ADGRG7: variants seen among roughly 807,000 people sequenced by gnomAD.
ADGRG7 encodes the protein adhesion G protein-coupled receptor G7.
Under a neutral mutation model 88.6 loss-of-function variants are expected in ADGRG7, and 82 were observed. The observed-to-expected ratio is 0.93, with a 90% confidence interval of 0.77 to 1.11. ADGRG7 has a LOEUF of 1.11. Among genes scored for constraint, ADGRG7 ranks in the 50% most tolerant of loss-of-function variants. The pLI is 0.00. For missense variants in ADGRG7, 945 were observed against 953.4 expected (o/e 0.99, Z 0.12); for synonymous variants, 381 against 345.2 (o/e 1.10, Z -1.15).
At chr3:100,612,959 G>A (rs1198789197) in intron 1 of ADGRG7, among the ~76,000 whole-genome samples, 8 of 152,032 alleles carry the variant, frequency 5.3e-5, no homozygotes, top group South Asian at 2.1e-4. Context: ...GCATGATCTC[G>A]GCTCACTGCA....
In ADGRG7 at chr3:100,659,788, A is replaced by T. The variant is rs1416220564; in HGVS notation, c.1924A>T (p.Met642Leu). 1 of 1,613,938 alleles carries T rather than the reference A, an allele frequency of 6.2e-7. No individual in the cohort carries two copies. Among genetic ancestry groups the T allele is most frequent in the African/African-American group, 1.3e-5 (1 of 74,908 alleles). The change falls in exon 14 of 16, where the codon ATG (methionine) becomes TTG (leucine). Residue 642 changes from methionine (M) to leucine (L), a missense_variant. Met to Leu is a conservative substitution (Grantham distance 15). Transcript: ENST00000273352. The stretch of plus-strand genomic sequence containing the variant: ...CATTATCCTCATCAGCAATGTTGTT[A>T]TGTTTATTACAATCTCGATCAAAGT... ...VTIILISNVV[M>L]FITISIKVLW...
In ADGRG7 at chr3:100,609,855, C is replaced by A; in HGVS notation, c.-2C>A. The A allele has an allele frequency of 6.2e-7, 1 of 1,612,486 alleles. No homozygotes were observed. Among genetic ancestry groups the A allele is most frequent in the Non-Finnish European group, 8.5e-7 (1 of 1,178,598 alleles). ...GGAGTGGATTTGTGGTTTGGCTTCA[C>A]CATGGCTTCCTGCCGTGCCTGGAAC... On this transcript the variant is annotated 5_prime_UTR_variant, in exon 1 of 16. Transcript: ENST00000273352.
chr3:100,660,026 TC>T (rs1445584928), intron 14 of ADGRG7, among the ~76,000 whole-genome samples, 183 bp downstream of exon 14: 1 of 152,208 alleles, frequency 6.6e-6, no homozygotes, highest in Non-Finnish European at 1.5e-5. Flanking sequence ...TCTTCTCACA[TC>T]CGTACAGTCT....
chr3:100,655,951 T>C lies in ADGRG7; in HGVS notation c.1779T>C (p.Asn593=), dbSNP rs967788922. The change falls in exon 13 of 16, where the codon AAT becomes AAC. Residue 593 remains asparagine (N), a synonymous_variant. Coordinates refer to ENST00000273352, the MANE Select transcript of ADGRG7 (RefSeq NM_032787.3). ...CAGTGGGAGTTATTTATTCTCAGAA[T>C]GGAAATAATCCACAGTGGGAATTAG... is the stretch of plus-strand genomic sequence containing the variant. ...AITVGVIYSQ[N]GNNPQWELDY... 6.2e-7 allele frequency: 1 copy of C among 1,610,386 alleles called. No homozygotes were observed. Among genetic ancestry groups the C allele is most frequent in the African/African-American group, 1.3e-5 (1 of 74,968 alleles).
At chr3:100,656,405 C>T (rs964475614) in intron 13 of ADGRG7, among the ~76,000 whole-genome samples, 3 of 152,202 alleles carry the variant, frequency 2.0e-5, no homozygotes, top group Admixed American at 6.5e-5. Flanking sequence ...CATTTAATAA[C>T]TCGAACACTA....
Position 100,609,729 on chromosome 3 carries a change from C to T in ADGRG7, c.-128C>T. ...AGTCCTAAAATACAAAGACATCCAT[C>T]TGACAGATCACTGAGGGGAGGACTT... On this transcript the variant is annotated 5_prime_UTR_variant, in exon 1 of 16. Transcript: ENST00000273352. 1 of 635,100 alleles carries T rather than the reference C, an allele frequency of 1.6e-6. No homozygotes were observed. Among genetic ancestry groups the T allele is most frequent in the Non-Finnish European group, 2.8e-6 (1 of 353,790 alleles). 39.3% of individuals were successfully genotyped at this position (635,100 alleles called of 1,614,324 possible).
chr3:100,681,730 T>C (rs2094973728), intron 15 of ADGRG7, among the ~76,000 whole-genome samples: 2 of 152,224 alleles, frequency 1.3e-5, no homozygotes, highest in Non-Finnish European at 2.9e-5. Flanking sequence ...TGGACTTTAC[T>C]CTCTGTAGTA....
At chr3:100,641,723 G>T (rs1050973860) in intron 6 of ADGRG7, among the ~76,000 whole-genome samples, 2 of 152,200 alleles carry the variant, frequency 1.3e-5, no homozygotes, top group Non-Finnish European at 2.9e-5. Context: ...AGATGACTGA[G>T]GATCCAAGGC....
At chr3:100,639,761 G>C (rs1707607050) in intron 6 of ADGRG7, among the ~76,000 whole-genome samples, 1 of 152,092 alleles carries the variant, frequency 6.6e-6, no homozygotes, top group Non-Finnish European at 1.5e-5. Flanking sequence ...TCACAAAAAA[G>C]ATAGGAACAT....
At chr3:100,621,224 A>G (rs1032283785) in intron 1 of ADGRG7, among the ~76,000 whole-genome samples, 1 of 152,116 alleles carries the variant, frequency 6.6e-6, no homozygotes, top group African/African-American at 2.4e-5. Context: ...ATGGCCTCTA[A>G]CTATTTGAGC....
At chr3:100,662,162 T>C (rs2094946396) in intron 14 of ADGRG7, among the ~76,000 whole-genome samples, 1 of 152,138 alleles carries the variant, frequency 6.6e-6, no homozygotes, top group Non-Finnish European at 1.5e-5. Flanking sequence ...TCTATATGGG[T>C]TGGGGGGAAA....
chr3:100,627,055 T>G (rs1271891805), intron 1 of ADGRG7, among the ~76,000 whole-genome samples: 1 of 152,194 alleles, frequency 6.6e-6, no homozygotes, highest in African/African-American at 2.4e-5. Context: ...AATTTTACAC[T>G]TTTGTTTCTT....
chr3:100,656,067 A>G, intron 13 of ADGRG7, 72 bp downstream of exon 13: 1 of 838,632 alleles, frequency 1.2e-6, no homozygotes, highest in Non-Finnish European at 2.0e-6. Flanking sequence ...ATTGACTCCG[A>G]GTGTCACTGT....
intron 10 of ADGRG7, 144 bp downstream of exon 10, chr3:100,646,868 T>C: frequency 1.2e-6 from 1 of 813,446 alleles, no homozygotes. Context: ...AATAAAATAA[T>C]GGGACTTAAG....
Position 100,633,287 on chromosome 3 carries a change from G to T in ADGRG7, c.357G>T (p.Arg119=). ...AAGCGGGCAATCCAATGGCAGTCCG[G>T]TTGTGCAGTCTCTCTCTATATGGAG... ...TPNAGNPMAV[R]LCSLSLYGEI... is the part of the protein sequence containing the mutation. The change falls in exon 4 of 16, where the codon CGG becomes CGT. Residue 119 remains arginine (R), a synonymous_variant. Transcript: ENST00000273352. 2.0e-6 allele frequency: 3 copies of T among 1,509,714 alleles called. No individual in the cohort carries two copies. Among genetic ancestry groups the T allele is most frequent in the Non-Finnish European group, 2.7e-6 (3 of 1,126,756 alleles). The allele number at this position is 1,509,714 out of a possible 1,614,324, so 93.5% of individuals were successfully genotyped here. A position where few individuals can be genotyped will look rare whatever the true frequency, so the allele number is the denominator to read the frequency against.
At chr3:100,676,887 T>A (rs567191642) in intron 15 of ADGRG7, among the ~76,000 whole-genome samples, 1 of 152,222 alleles carries the variant, frequency 6.6e-6, no homozygotes, top group South Asian at 2.1e-4. Context: ...AGTTTTTGTC[T>A]TGAAATCTAT....
Position 100,672,607 on chromosome 3 carries a change from T to C in ADGRG7, c.2136+3502T>C, listed in dbSNP as rs928957682. On this transcript the variant is annotated intron_variant, in intron 15 of 15. Transcript: ENST00000273352. ...TCAATATTATGTTGAATAGGAGTGGTGAGAGAGGGGCATCCTTGTCTTGTG... is the reference window on the plus strand; with the variant it reads ...TCAATATTATGTTGAATAGGAGTGGCGAGAGAGGGGCATCCTTGTCTTGTG... 6.1e-4 allele frequency among the ~76,000 whole-genome samples: 93 copies of C among 152,314 alleles called. 1 individual carries two copies. The highest frequency in any genetic ancestry group is 2.1e-3 in the African/African-American group (88 of 41,554).
At chr3:100,654,814 T>C in intron 11 of ADGRG7, 21 bp from the exon 12 acceptor site, 1 of 1,410,520 alleles carries the variant, frequency 7.1e-7, no homozygotes, top group East Asian at 2.4e-5. Flanking sequence ...AATTTTTTTA[T>C]ATTAATTTAC....
chr3:100,625,936 G>A (rs961303412), intron 1 of ADGRG7, among the ~76,000 whole-genome samples: 4 of 151,536 alleles, frequency 2.6e-5, no homozygotes, highest in South Asian at 4.2e-4. Flanking sequence ...TTTTTGCATC[G>A]ATGTGCATCA....
Sources: gnomAD v4.1 joint callset for allele counts (sites outside exome capture counted in the v4.1 genomes callset) on GRCh38, gnomAD v4.1.1 for gene constraint, MANE v1.5 for transcripts, NCBI Gene and HGNC (gene_info 2026-07-23, HGNC 2026-07-21) for gene names.